The following STUM variants were observed in gnomAD, a reference collection of about 807,000 sequenced individuals.
STUM encodes protein stum homolog.
In STUM, 8 loss-of-function variants were observed where a neutral mutation model predicts 15.3. The ratio of observed to expected loss-of-function variants is 0.52; its 90% CI spans 0.31 to 0.94. The LOEUF (loss-of-function observed/expected upper bound fraction) is 0.94, where lower values mean the gene tolerates loss of function less well. Among genes scored for constraint, STUM ranks in the 40% least tolerant of loss-of-function variants. The probability of loss-of-function intolerance (pLI) is 0.05; values close to 1 mark genes in which losing one functional copy is unlikely to be tolerated. For missense variants in STUM, 142 were observed against 204.9 expected (o/e 0.69, Z 1.87); for synonymous variants, 78 against 88.7 (o/e 0.88, Z 0.68).
At chr1:226,571,567 T>C (rs1346278868) in intron 1 of STUM, among the ~76,000 whole-genome samples, 1 of 152,172 alleles carries the variant, frequency 6.6e-6, no homozygotes, top group East Asian at 1.9e-4. Flanking sequence ...TTTTTGCAGT[T>C]ATAGTTCATG....
intron 1 of STUM, 90 bp from the exon 2 acceptor site, chr1:226,596,709 GGGT>G: frequency 8.7e-7 from 1 of 1,154,342 alleles, no homozygotes; most frequent in East Asian, 2.4e-5. Context: ...AGTTCTTGGA[GGGT>G]GGACAGCTGG....
chr1:226,568,255 A>G (rs1190172894), intron 1 of STUM, among the ~76,000 whole-genome samples: 1 of 152,144 alleles, frequency 6.6e-6, no homozygotes, highest in Non-Finnish European at 1.5e-5. Context: ...TTGTGCTTCT[A>G]GAGTAGTGAG....
intron 1 of STUM, among the ~76,000 whole-genome samples, chr1:226,569,984 A>T (rs1290721394): frequency 6.6e-6 from 1 of 152,178 alleles, no homozygotes; most frequent in African/African-American, 2.4e-5. Context: ...ACAGGCCCAC[A>T]GCTCACTGGT....
Position 226,605,605 on chromosome 1 carries a change from C to T in STUM, c.*3565C>T, listed in dbSNP as rs1377644707. 1 of 152,190 alleles carries T rather than the reference C, an allele frequency of 6.6e-6. No homozygotes were observed. Among genetic ancestry groups the T allele is most frequent in the Non-Finnish European group, 1.5e-5 (1 of 68,032 alleles). The allele number at this position is 152,190 out of a possible 1,614,324, so 9.4% of individuals were successfully genotyped here. On this transcript the variant is annotated 3_prime_UTR_variant, in exon 4 of 4. Coordinates refer to ENST00000366788, the MANE Select transcript of STUM (RefSeq NM_001003665.4). The surrounding 1 kb of genome is among the most constrained non-coding windows in gnomAD (Gnocchi z 4.0). ...TACCATCTCTTCTCCATCCCCTCAG[C>T]AGCCGCCCCCACCCCAAGCTGGGAA...
intron 1 of STUM, among the ~76,000 whole-genome samples, chr1:226,557,634 C>T (rs1455024018): frequency 6.6e-6 from 1 of 152,178 alleles, no homozygotes. Flanking sequence ...ACGTCCTCAC[C>T]AACACTTGTT....
chr1:226,572,917 G>T (rs1431010990), intron 1 of STUM, among the ~76,000 whole-genome samples: 1 of 152,200 alleles, frequency 6.6e-6, no homozygotes, highest in African/African-American at 2.4e-5. Context: ...AGGCAAGAGG[G>T]ACTCTCCCAG....
intron 1 of STUM, among the ~76,000 whole-genome samples, chr1:226,566,653 T>G (rs1040258818): frequency 5.9e-5 from 9 of 152,100 alleles, no homozygotes; most frequent in Non-Finnish European, 1.3e-4. Flanking sequence ...TAGAAAAAAA[T>G]CAAACTTTGC....
rs577617870 is a variant in STUM at position 226,606,549 on chromosome 1, A to C, written c.*4509A>C. 20 of 152,348 alleles carry C rather than the reference A, an allele frequency of 1.3e-4. No individual in the cohort carries two copies. The highest frequency in any genetic ancestry group is 4.1e-4 in the African/African-American group (17 of 41,584). 9.4% of individuals were successfully genotyped at this position (152,348 alleles called of 1,614,324 possible). A position where few individuals can be genotyped will look rare whatever the true frequency, so the allele number is the denominator to read the frequency against. Reference sequence around the variant, plus strand: ...AATGGAAGTTCTCCAATAGTGGCTGAAGGCAGAGTTTACTGTTATCCCTCC... The same window carrying C: ...AATGGAAGTTCTCCAATAGTGGCTGCAGGCAGAGTTTACTGTTATCCCTCC... On this transcript the variant is annotated 3_prime_UTR_variant, in exon 4 of 4. Coordinates refer to ENST00000366788, the MANE Select transcript of STUM (RefSeq NM_001003665.4).
intron 1 of STUM, among the ~76,000 whole-genome samples, chr1:226,580,220 G>A (rs1178936261): frequency 6.6e-6 from 1 of 152,186 alleles, no homozygotes; most frequent in Non-Finnish European, 1.5e-5. Context: ...ATGGGAGTGG[G>A]TGTGGATCTC....
chr1:226,580,786 G>A (rs572409335), intron 1 of STUM, among the ~76,000 whole-genome samples: 1 of 152,180 alleles, frequency 6.6e-6, no homozygotes, highest in South Asian at 2.1e-4. Flanking sequence ...CTATGTCTGG[G>A]TCACCATTGT....
intron 3 of STUM, 56 bp from the exon 4 acceptor site, chr1:226,601,950 A>G (rs1206606195): frequency 6.5e-7 from 1 of 1,539,266 alleles, no homozygotes; most frequent in Admixed American, 1.7e-5. Flanking sequence ...CACCTCCTGG[A>G]GAAATCCTGA....
At chr1:226,559,841 C>T (rs552187902) in intron 1 of STUM, among the ~76,000 whole-genome samples, 37 of 152,120 alleles carry the variant, frequency 2.4e-4, no homozygotes, top group East Asian at 3.9e-4. Flanking sequence ...GGCATGGTGG[C>T]GGGTGCCTGT....
intron 1 of STUM, among the ~76,000 whole-genome samples, chr1:226,587,215 G>A (rs12031880): frequency 0.22 from 32,954 of 151,956 alleles, 3,770 homozygotes; most frequent in South Asian, 0.41. Context: ...CACACCCGGC[G>A]CCACTAAAAT....
intron 3 of STUM, among the ~76,000 whole-genome samples, chr1:226,601,715 G>T (rs902084422): frequency 6.6e-6 from 1 of 152,126 alleles, no homozygotes; most frequent in Admixed American, 6.5e-5. Flanking sequence ...GTCTGTAAGC[G>T]GCTTCCAGAT....
rs577209475 is a variant in STUM at position 226,591,275 on chromosome 1, A to T, written c.203-5527A>T. Among the ~76,000 whole-genome samples, 5 of 152,322 alleles carry T rather than the reference A, an allele frequency of 3.3e-5. No individual in the cohort carries two copies. The South Asian group carries it at 1.0e-3, about 32-fold the overall frequency. On this transcript the variant is annotated intron_variant, in intron 1 of 3. Coordinates refer to ENST00000366788, the MANE Select transcript of STUM (RefSeq NM_001003665.4). ...TGTTGTCATAGTTTCCTTATTAGTG[A>T]TATCTGAGTTCACACAACTGGACAA...
chr1:226,573,838 C>CT (rs148074401), intron 1 of STUM, among the ~76,000 whole-genome samples: 5,258 of 143,058 alleles, frequency 0.037, 96 homozygotes, highest in South Asian at 0.063. Context: ...GTACAATATA[C>CT]TTTTTTTTTT....
chr1:226,573,790 A>C (rs187412672), intron 1 of STUM, among the ~76,000 whole-genome samples: 1 of 152,112 alleles, frequency 6.6e-6, no homozygotes, highest in Non-Finnish European at 1.5e-5. Context: ...GTATGTGGTA[A>C]GAGCACCTGA....
intron 1 of STUM, among the ~76,000 whole-genome samples, chr1:226,584,892 G>T (rs1300638496): frequency 6.6e-6 from 1 of 152,132 alleles, no homozygotes; most frequent in African/African-American, 2.4e-5. Context: ...ACCAAAATGA[G>T]AATTTGTTTT....
At chr1:226,593,515 G>A (rs2102709584) in intron 1 of STUM, among the ~76,000 whole-genome samples, 1 of 152,244 alleles carries the variant, frequency 6.6e-6, no homozygotes, top group South Asian at 2.1e-4. Context: ...CTGTCAGGTG[G>A]GGTGATGAGT....
Sources: gnomAD v4.1 joint callset for allele counts (sites outside exome capture counted in the v4.1 genomes callset) on GRCh38, gnomAD v4.1.1 for gene constraint, Gnocchi (gnomAD v3.1) non-coding constraint, MANE v1.5 for transcripts, NCBI Gene and HGNC (gene_info 2026-07-23, HGNC 2026-07-21) for gene names.